The following ZMAT4 variants were observed in gnomAD, a reference collection of about 807,000 sequenced individuals.
ZMAT4 encodes the protein zinc finger matrin-type protein 4.
In ZMAT4, 17 loss-of-function variants were observed where a neutral mutation model predicts 28.7. The observed-to-expected ratio is 0.59, with a 90% CI of 0.41 to 0.89. ZMAT4 has a LOEUF of 0.89. Ranked by LOEUF, ZMAT4 falls within the 40% of genes least tolerant of loss-of-function variation. ZMAT4 has a pLI of 0.00. For missense variants in ZMAT4, 240 were observed against 283.8 expected (o/e 0.85, Z 1.11); for synonymous variants, 117 against 109.2 (o/e 1.07, Z -0.44).
chr8:40,827,478 C>T (rs370467050), intron 1 of ZMAT4, among the ~76,000 whole-genome samples: 16 of 152,290 alleles, frequency 1.1e-4, no homozygotes, highest in East Asian at 7.7e-4. Flanking sequence ...AATAACCAGA[C>T]CACATTCATA....
intron 5 of ZMAT4, among the ~76,000 whole-genome samples, chr8:40,660,968 G>A (rs1283987172): frequency 6.6e-6 from 1 of 152,082 alleles, no homozygotes; most frequent in Non-Finnish European, 1.5e-5. Context: ...TCTTTTTTTA[G>A]ATATCAGGAC....
At chr8:40,723,401 G>A (rs946631297) in intron 3 of ZMAT4, among the ~76,000 whole-genome samples, 13 of 151,822 alleles carry the variant, frequency 8.6e-5, no homozygotes, top group Non-Finnish European at 1.3e-4. Flanking sequence ...AAATTAGCTC[G>A]GCATGGTGGC....
At chr8:40,765,368 G>A (rs534053896) in intron 3 of ZMAT4, among the ~76,000 whole-genome samples, 5 of 152,102 alleles carry the variant, frequency 3.3e-5, no homozygotes, top group South Asian at 2.1e-4. Flanking sequence ...AATGCATAGC[G>A]GAAAGTATAT....
chr8:40,895,426 G>T (rs973389373), intron 1 of ZMAT4, among the ~76,000 whole-genome samples: 2 of 152,190 alleles, frequency 1.3e-5, no homozygotes, highest in Admixed American at 6.5e-5. Context: ...CCCATCCAAG[G>T]TGAAGCTGTA....
In ZMAT4 at chr8:40,763,449, T is replaced by A. The variant is rs116020996; in HGVS notation, c.192+4192A>T. Among the ~76,000 whole-genome samples the A allele has an allele frequency of 4.7e-3, 719 of 152,200 alleles. 3 individuals carry two copies. Among genetic ancestry groups the A allele is most frequent in the African/African-American group, 0.016 (685 of 41,516 alleles). On this transcript the variant is annotated intron_variant, in intron 3 of 6. Coordinates refer to ENST00000297737, the MANE Select transcript of ZMAT4 (RefSeq NM_024645.3). The stretch of plus-strand genomic sequence containing the variant: ...CTCCAGGGCTTGTGAAGATGAAAGA[T>A]CACTCATATATATAAAGCATTTAGA...
In ZMAT4 at chr8:40,665,237, C is replaced by A. The variant is rs567838248; in HGVS notation, c.577+9467G>T. On this transcript the variant is annotated intron_variant, in intron 5 of 6. Coordinates refer to ENST00000297737, the MANE Select transcript of ZMAT4 (RefSeq NM_024645.3). ...AAACAACAACAAAAAAACACACACA[C>A]AAAAAAAACAAAAAATGTAAAGCCT... 1.5e-3 allele frequency among the ~76,000 whole-genome samples: 194 copies of A among 129,898 alleles called. 2 individuals carry two copies. The highest frequency in any genetic ancestry group is 3.8e-3 in the African/African-American group (133 of 34,956). 85.2% of individuals were successfully genotyped at this position (129,898 alleles called of 152,430 possible).
At chr8:40,599,979 G>A (rs1275501249) in intron 5 of ZMAT4, among the ~76,000 whole-genome samples, 2 of 152,164 alleles carry the variant, frequency 1.3e-5, no homozygotes, top group Admixed American at 6.5e-5. Flanking sequence ...TGATCTACTC[G>A]AGCTAGCACA....
chr8:40,836,940 A>G (rs2150622954), intron 1 of ZMAT4, among the ~76,000 whole-genome samples: 1 of 152,356 alleles, frequency 6.6e-6, no homozygotes, highest in African/African-American at 2.4e-5. Context: ...ACATAGGTAG[A>G]TAGAAACTAG....
At chr8:40,734,606 C>T (rs765421030) in intron 3 of ZMAT4, among the ~76,000 whole-genome samples, 1 of 152,122 alleles carries the variant, frequency 6.6e-6, no homozygotes, top group Non-Finnish European at 1.5e-5. Flanking sequence ...CTGGTAATCA[C>T]CCGTCTCTCA....
chr8:40,789,727 A>G (rs1247328209), intron 2 of ZMAT4, among the ~76,000 whole-genome samples: 2 of 152,186 alleles, frequency 1.3e-5, no homozygotes, highest in Non-Finnish European at 2.9e-5. Context: ...TTAAAAACAA[A>G]TAGTACTCTG....
chr8:40,608,790 C>T (rs963182325), intron 5 of ZMAT4, among the ~76,000 whole-genome samples: 5 of 152,166 alleles, frequency 3.3e-5, no homozygotes, highest in Non-Finnish European at 7.3e-5. Flanking sequence ...ATATTTCACT[C>T]GGCTCTCTCA....
At chr8:40,575,251 TC>T (rs1804222487) in intron 6 of ZMAT4, among the ~76,000 whole-genome samples, 1 of 152,048 alleles carries the variant, frequency 6.6e-6, no homozygotes, top group African/African-American at 2.4e-5. Flanking sequence ...GTCAGACATG[TC>T]CCTGAATTGC....
chr8:40,861,120 C>T lies in ZMAT4; in HGVS notation c.-4-35440G>A, dbSNP rs572962390. On this transcript the variant is annotated intron_variant, in intron 1 of 6. Coordinates refer to ENST00000297737, the MANE Select transcript of ZMAT4 (RefSeq NM_024645.3). Reference sequence around the variant, plus strand: ...ATATTAATAGTTCATGCTTCCTCCTCGATTAGTCTGAAACTCTGCTAGGGC... The same window carrying T: ...ATATTAATAGTTCATGCTTCCTCCTTGATTAGTCTGAAACTCTGCTAGGGC... Among the ~76,000 whole-genome samples the T allele has an allele frequency of 3.9e-5, 6 of 152,292 alleles. No homozygotes were observed. In the South Asian group the frequency reaches 6.2e-4, roughly 16 times the overall value.
At chr8:40,534,286 G>C (rs918292160) in intron 6 of ZMAT4, among the ~76,000 whole-genome samples, 5 of 152,158 alleles carry the variant, frequency 3.3e-5, no homozygotes, top group East Asian at 1.9e-4. Context: ...TGCTGGAAAG[G>C]CTACTTCATA....
At chr8:40,752,495 C>A (rs1264239439) in intron 3 of ZMAT4, among the ~76,000 whole-genome samples, 1 of 152,164 alleles carries the variant, frequency 6.6e-6, no homozygotes, top group Non-Finnish European at 1.5e-5. Flanking sequence ...CCTGGAATAA[C>A]CTGGAGAAAG....
intron 3 of ZMAT4, among the ~76,000 whole-genome samples, chr8:40,718,791 A>G (rs1346306721): frequency 6.6e-6 from 1 of 152,216 alleles, no homozygotes; most frequent in Non-Finnish European, 1.5e-5. Context: ...TGCCTGCTCT[A>G]TAGATAAGAG....
intron 6 of ZMAT4, among the ~76,000 whole-genome samples, chr8:40,572,030 T>G (rs1804115359): frequency 6.6e-6 from 1 of 152,200 alleles, no homozygotes; most frequent in Non-Finnish European, 1.5e-5. Flanking sequence ...GACTTATGAT[T>G]TGTTTGATTG....
At chr8:40,535,259 G>A (rs919254272) in intron 6 of ZMAT4, among the ~76,000 whole-genome samples, 5 of 152,150 alleles carry the variant, frequency 3.3e-5, no homozygotes, top group African/African-American at 9.7e-5. Context: ...AAAAGCTTCC[G>A]CTTCTTCCAC....
intron 2 of ZMAT4, among the ~76,000 whole-genome samples, chr8:40,772,861 G>A (rs1291207754): frequency 6.6e-6 from 1 of 152,210 alleles, no homozygotes; most frequent in Non-Finnish European, 1.5e-5. Flanking sequence ...GAGAAGAGGA[G>A]CCAATAGGGA....
Sources: allele counts gnomAD v4.1 joint callset (sites outside exome capture counted in the v4.1 genomes callset), GRCh38; gene constraint gnomAD v4.1.1; transcripts MANE v1.5; gene names NCBI Gene and HGNC (gene_info 2026-07-23, HGNC 2026-07-21).